The following UBE2L3 variants were observed in gnomAD, a reference collection of about 807,000 sequenced individuals.
The protein encoded by UBE2L3 is ubiquitin conjugating enzyme E2 L3.
In UBE2L3, 1 loss-of-function variant was observed where a neutral mutation model predicts 17.8. The observed-to-expected ratio is 0.06, with a 90% CI of 0.02 to 0.27. UBE2L3 has a LOEUF of 0.27. Ranked by LOEUF, UBE2L3 falls within the 10% of genes least tolerant of loss-of-function variation. The pLI is 1.00. For missense variants in UBE2L3, 40 were observed against 192.6 expected, an observed-to-expected ratio of 0.21 and a Z score of 4.69; for synonymous variants, 44 against 68.5, an observed-to-expected ratio of 0.64 and a Z score of 1.76.
intron 1 of UBE2L3, among the ~76,000 whole-genome samples, chr22:21,581,961 A>C (rs1015451591): frequency 2.1e-4 from 32 of 150,776 alleles, no homozygotes; most frequent in African/African-American, 4.6e-4. Context: ...AAAAAAAAAA[A>C]CAAAAATAAT....
chr22:21,612,217 ACATT>A (rs1193235492), intron 3 of UBE2L3, among the ~76,000 whole-genome samples: 6 of 152,232 alleles, frequency 3.9e-5, no homozygotes, highest in Admixed American at 3.9e-4. Context: ...TGGGTGCTAA[ACATT>A]CAGTCAGGGC....
chr22:21,575,429 A>G (rs1193501063), intron 1 of UBE2L3, among the ~76,000 whole-genome samples: 1 of 141,744 alleles, frequency 7.1e-6, no homozygotes, highest in Non-Finnish European at 1.5e-5. Flanking sequence ...AAAAAAAAAA[A>G]AATACAAAAA....
intron 1 of UBE2L3, among the ~76,000 whole-genome samples, chr22:21,556,629 A>ATTTTTTTTTTTTTTTTTTTTTTGTT (rs780653296): frequency 7.7e-6 from 1 of 130,460 alleles, no homozygotes; most frequent in Non-Finnish European, 1.6e-5. Flanking sequence ...TTTTTTTTGT[A>ATTTTTTTTTTTTTTTTTTTTTTGTT]TTTTTTTTTT....
intron 1 of UBE2L3, among the ~76,000 whole-genome samples, chr22:21,569,954 T>A (rs1427998143): frequency 6.6e-6 from 1 of 152,222 alleles, no homozygotes; most frequent in African/African-American, 2.4e-5. Flanking sequence ...TGTTGTTTGC[T>A]CTACCCAAGA....
chr22:21,579,478 C>G (rs539042806), intron 1 of UBE2L3, among the ~76,000 whole-genome samples: 1 of 152,174 alleles, frequency 6.6e-6, no homozygotes, highest in South Asian at 2.1e-4. Context: ...ACATTTAAGT[C>G]ATGATTTAGT....
chr22:21,580,372 C>T (rs1927556819), intron 1 of UBE2L3, among the ~76,000 whole-genome samples: 1 of 152,184 alleles, frequency 6.6e-6, no homozygotes, highest in African/African-American at 2.4e-5. Flanking sequence ...TTGACCACTT[C>T]CTCTCAAGCC....
chr22:21,593,708 A>G (rs1490930564), intron 2 of UBE2L3, among the ~76,000 whole-genome samples: 1 of 152,006 alleles, frequency 6.6e-6, no homozygotes, highest in Non-Finnish European at 1.5e-5. Flanking sequence ...CACCCAGCCC[A>G]CAGGCTGCCC....
At chr22:21,595,866 T>G (rs1440177305) in intron 2 of UBE2L3, among the ~76,000 whole-genome samples, 1 of 152,108 alleles carries the variant, frequency 6.6e-6, no homozygotes, top group Non-Finnish European at 1.5e-5. Context: ...CCTTTTTTCA[T>G]GCAGTTTCTT....
intron 2 of UBE2L3, 124 bp downstream of exon 2, chr22:21,593,080 G>A: frequency 1.3e-6 from 1 of 784,214 alleles, no homozygotes; most frequent in Admixed American, 2.1e-5. Flanking sequence ...GCACAGAAGT[G>A]GCTGTCGCTC....
rs1043129685 is a variant in UBE2L3, at chr22:21,618,596, AT to A, written c.311-2909del. ...ATCTCAAAAAATATATATATATATT[AT>A]TTTTTTTTTGCGATAGGGTCTTGCT... is the stretch of plus-strand genomic sequence containing the variant. On this transcript the variant is annotated intron_variant, in intron 3 of 3. Transcript: ENST00000342192. Among the ~76,000 whole-genome samples the A allele has an allele frequency of 4.0e-3, 580 of 143,276 alleles. 3 individuals carry two copies. Among genetic ancestry groups the A allele is most frequent in the Non-Finnish European group, 6.4e-3 (423 of 65,678 alleles). The allele number at this position is 143,276 out of a possible 152,430, so 94.0% of individuals were successfully genotyped here.
intron 3 of UBE2L3, among the ~76,000 whole-genome samples, chr22:21,617,032 A>C (rs1316476330): frequency 6.6e-6 from 1 of 151,568 alleles, no homozygotes; most frequent in Non-Finnish European, 1.5e-5. Context: ...AACACGGTGA[A>C]ACCCCGTCTC....
At chr22:21,559,348 A>AAAAC (rs1555882587) in intron 1 of UBE2L3, among the ~76,000 whole-genome samples, 1 of 144,442 alleles carries the variant, frequency 6.9e-6, no homozygotes, top group African/African-American at 2.7e-5. Context: ...ACTCTGTCTC[A>AAAAC]AAATAAATAA....
At chr22:21,555,211 G>A (rs973856970) in intron 1 of UBE2L3, 2 of 150,742 alleles carry the variant, frequency 1.3e-5, no homozygotes, top group East Asian at 1.9e-4. Context: ...AGGACTTCTG[G>A]ATTGTAATGT....
At chr22:21,604,116 C>T (rs1929020728) in intron 2 of UBE2L3, among the ~76,000 whole-genome samples, 1 of 151,994 alleles carries the variant, frequency 6.6e-6, no homozygotes, top group Admixed American at 6.6e-5. Flanking sequence ...TCTCAAATGA[C>T]TTCCTCAATA....
chr22:21,620,751 G>A (rs1412889915), intron 3 of UBE2L3, among the ~76,000 whole-genome samples: 1 of 152,130 alleles, frequency 6.6e-6, no homozygotes, highest in Non-Finnish European at 1.5e-5. Flanking sequence ...TTTCTAGAGG[G>A]TTCAGAAACT....
intron 1 of UBE2L3, among the ~76,000 whole-genome samples, chr22:21,556,976 C>T (rs1926253115): frequency 6.6e-6 from 1 of 152,196 alleles, no homozygotes; most frequent in Non-Finnish European, 1.5e-5. Flanking sequence ...ATTGCTTGAA[C>T]TCAGGAGGTG....
chr22:21,561,481 C>G (rs1926428727), intron 1 of UBE2L3, among the ~76,000 whole-genome samples: 1 of 152,380 alleles, frequency 6.6e-6, no homozygotes, highest in Admixed American at 6.5e-5. Context: ...GCTTGAGAGT[C>G]TGAAGTGGGA....
intron 1 of UBE2L3, among the ~76,000 whole-genome samples, chr22:21,572,775 G>A (rs140498): frequency 0.22 from 33,384 of 151,900 alleles, 4,448 homozygotes; most frequent in East Asian, 0.51. Context: ...GTAGGCATCT[G>A]AGTCTTAGCT....
At chr22:21,573,026 G>T (rs1927070726) in intron 1 of UBE2L3, among the ~76,000 whole-genome samples, 1 of 152,086 alleles carries the variant, frequency 6.6e-6, no homozygotes, top group African/African-American at 2.4e-5. Flanking sequence ...CACTGCCTCA[G>T]TTCAGGCCAT....
Sources: gnomAD v4.1 joint callset for allele counts (sites outside exome capture counted in the v4.1 genomes callset) on GRCh38, gnomAD v4.1.1 for gene constraint, MANE v1.5 for transcripts, NCBI Gene and HGNC (gene_info 2026-07-23, HGNC 2026-07-21) for gene names.